Variants in TTC6 observed in about 807,000 individuals in gnomAD.
TTC6 encodes the protein tetratricopeptide repeat protein 6.
TTC6 carries 172 observed loss-of-function variants against 210.4 expected under a neutral mutation model. That is an observed-to-expected ratio of 0.82 (90% CI 0.72 to 0.93). TTC6 has a LOEUF of 0.93. TTC6 is among the 40% of genes least tolerant of loss of function. The pLI, the probability that TTC6 is intolerant of heterozygous loss-of-function variation, is 0.00. For synonymous variants in TTC6, 804 were observed against 819.6 expected, an observed-to-expected ratio of 0.98 and a Z score of 0.32; for missense variants, 2,414 against 2,318.1, an observed-to-expected ratio of 1.04 and a Z score of -0.85.
intron 5 of TTC6, among the ~76,000 whole-genome samples, chr14:37,705,914 G>T (rs1305082089): frequency 6.6e-6 from 1 of 152,096 alleles, no homozygotes; most frequent in Admixed American, 6.6e-5. Context: ...AGTATAGTCC[G>T]CAGACTAGCG....
At chr14:37,805,474 ATTC>A (rs976650069) in intron 21 of TTC6, among the ~76,000 whole-genome samples, 11 of 150,278 alleles carry the variant, frequency 7.3e-5, no homozygotes, top group Admixed American at 6.0e-4. Context: ...CATCATTCTA[ATTC>A]TTACGTTCGT....
Position 37,712,775 on chromosome 14 carries a change from G to A in TTC6, c.1572-1880G>A, listed in dbSNP as rs537728850. On this transcript the variant is annotated intron_variant, in intron 5 of 30. Coordinates refer to ENST00000553443, the Ensembl canonical transcript of TTC6. ...TCCCGTAATTCAATTACCTCCCACC[G>A]GGTCCCTCCCACAACACATGGGCAT... Among the ~76,000 whole-genome samples the A allele has an allele frequency of 4.6e-5, 7 of 152,150 alleles. No individual in the cohort carries two copies. The East Asian group carries it at 5.8e-4, about 13-fold the overall frequency.
chr14:37,812,488 TA>T, intron 25 of TTC6, 55 bp downstream of exon 27: 1 of 1,477,778 alleles, frequency 6.8e-7, no homozygotes, highest in Non-Finnish European at 9.0e-7. Flanking sequence ...TTCTGAGAAC[TA>T]GTGAACAAGA....
chr14:37,812,848 T>G (rs1268096735), intron 25 of TTC6, among the ~76,000 whole-genome samples: 1 of 152,180 alleles, frequency 6.6e-6, no homozygotes, highest in Non-Finnish European at 1.5e-5. Flanking sequence ...TTACTCAGAA[T>G]GGGTTACTGG....
chr14:37,770,131 C>G (rs1034085717), intron 14 of TTC6, among the ~76,000 whole-genome samples: 4 of 151,728 alleles, frequency 2.6e-5, no homozygotes, highest in Admixed American at 6.6e-5. Flanking sequence ...GATTCTTAAT[C>G]CTGAGTTCTA....
At chr14:37,693,759 T>C (rs1008560554) in intron 3 of TTC6, among the ~76,000 whole-genome samples, 1 of 151,938 alleles carries the variant, frequency 6.6e-6, no homozygotes, top group African/African-American at 2.4e-5. Flanking sequence ...CATATACCAA[T>C]GGAACAGAAT....
chr14:37,787,746 CTATATACTAA>C, intron 15 of TTC6, 109 bp downstream of exon 17: 1 of 745,614 alleles, frequency 1.3e-6, no homozygotes, highest in Non-Finnish European at 2.0e-6. Flanking sequence ...ATGTATACTA[CTATATACTAA>C]TATACATTAT....
chr14:37,633,308 A>G (rs1009036295), intron 1 of TTC6, among the ~76,000 whole-genome samples: 5 of 152,198 alleles, frequency 3.3e-5, no homozygotes, highest in African/African-American at 1.2e-4. Context: ...TGGGAAAAAC[A>G]TAGTATCTGG....
chr14:37,811,878 A>C (rs2096130319), intron 24 of TTC6, among the ~76,000 whole-genome samples: 1 of 152,172 alleles, frequency 6.6e-6, no homozygotes, highest in Admixed American at 6.5e-5. Context: ...GATTCTTGTT[A>C]CTGGGCTTAA....
At chr14:37,677,037 A>G (rs2095771411) in intron 1 of TTC6, among the ~76,000 whole-genome samples, 1 of 151,992 alleles carries the variant, frequency 6.6e-6, no homozygotes, top group South Asian at 2.1e-4. Flanking sequence ...TGTTTTGCCT[A>G]TTCAGGGGAA....
At chr14:37,739,688 A>G (rs561614729) in intron 10 of TTC6, among the ~76,000 whole-genome samples, 27 of 152,182 alleles carry the variant, frequency 1.8e-4, no homozygotes, top group African/African-American at 6.3e-4. Flanking sequence ...ATTTAAGGAC[A>G]TGAGGTAAGA....
intron 2 of TTC6, among the ~76,000 whole-genome samples, chr14:37,607,671 C>G (rs1157852736): frequency 1.3e-5 from 2 of 150,320 alleles, no homozygotes; most frequent in African/African-American, 4.9e-5. Flanking sequence ...CTCTGTTTCC[C>G]AGGCTGGTGT....
At position 37,785,121 on chromosome 14, in the gene TTC6, G is replaced by A. The variant is rs143382902; in HGVS notation, c.3267-2347G>A. On this transcript the variant is annotated intron_variant, in intron 14 of 30. Transcript: ENST00000553443. ...TGTCTTGGAGTTGCTCTTCTCAAGG[G>A]GTATCTTTGTGACATTCTCTGTGTT... Among the ~76,000 whole-genome samples, 270 of 152,066 alleles carry A rather than the reference G, an allele frequency of 1.8e-3. 7 individuals are homozygous for A. In the East Asian group the frequency reaches 0.048, roughly 27 times the overall value.
At chr14:37,786,994 G>A (rs571229279) in intron 14 of TTC6, among the ~76,000 whole-genome samples, 76 of 152,184 alleles carry the variant, frequency 5.0e-4, no homozygotes, top group African/African-American at 1.3e-3. Flanking sequence ...GCTTTCATCC[G>A]TGAAAGAGCA....
intron 14 of TTC6, among the ~76,000 whole-genome samples, chr14:37,763,793 T>C (rs2095991173): frequency 1.3e-5 from 2 of 151,964 alleles, no homozygotes. Context: ...ATATTCTCTA[T>C]TTCATTTATC....
At chr14:37,839,952 G>T (rs989161416) in intron 29 of TTC6, among the ~76,000 whole-genome samples, 1 of 152,112 alleles carries the variant, frequency 6.6e-6, no homozygotes, top group African/African-American at 2.4e-5. Context: ...AAGATCAGAT[G>T]ATTGTACATG....
chr14:37,599,966 C>T (rs1337450174), intron 1 of TTC6, among the ~76,000 whole-genome samples: 1 of 152,170 alleles, frequency 6.6e-6, no homozygotes, highest in East Asian at 1.9e-4. Flanking sequence ...CCAGCCGGTC[C>T]CTCCTCATCC....
intron 3 of TTC6, among the ~76,000 whole-genome samples, chr14:37,686,264 A>G (rs1190671784): frequency 6.6e-6 from 1 of 152,192 alleles, no homozygotes; most frequent in Non-Finnish European, 1.5e-5. Context: ...TTATATGTAA[A>G]TGCTACAATA....
chr14:37,632,574 C>G (rs1488860489), intron 1 of TTC6, among the ~76,000 whole-genome samples: 1 of 152,172 alleles, frequency 6.6e-6, no homozygotes. Context: ...GGAGGTATTG[C>G]TCTGTCAGGA....
Sources: allele counts gnomAD v4.1 joint callset (sites outside exome capture counted in the v4.1 genomes callset), GRCh38; gene constraint gnomAD v4.1.1; transcripts MANE v1.5; gene names NCBI Gene and HGNC (gene_info 2026-07-23, HGNC 2026-07-21).